SLIT1: variants seen among roughly 807,000 people sequenced by gnomAD.
SLIT1 encodes the protein slit guidance ligand 1.
In SLIT1, 66 loss-of-function variants were observed where a neutral mutation model predicts 186.1. The ratio of observed to expected loss-of-function variants is 0.35; its 90% CI spans 0.29 to 0.44. The LOEUF (loss-of-function observed/expected upper bound fraction) is 0.44, where lower values mean the gene tolerates loss of function less well. Ranked by LOEUF, SLIT1 falls within the 20% of genes least tolerant of loss-of-function variation. SLIT1 has a pLI of 1.00. For synonymous variants in SLIT1, 761 were observed against 833.8 expected (o/e 0.91, Z 1.50); for missense variants, 1,638 against 2,037.4 (o/e 0.80, Z 3.77).
chr10:97,050,709 C>G (rs1178004860), intron 13 of SLIT1, among the ~76,000 whole-genome samples: 1 of 152,212 alleles, frequency 6.6e-6, no homozygotes, highest in Non-Finnish European at 1.5e-5. Context: ...TGCCTCAGCC[C>G]CTGCCTGAAC....
At chr10:97,024,201 G>A (rs1441408646) in intron 25 of SLIT1, among the ~76,000 whole-genome samples, 2 of 152,166 alleles carry the variant, frequency 1.3e-5, no homozygotes, top group Non-Finnish European at 2.9e-5. Context: ...TTACCCTTGA[G>A]ACCTGTACAA....
At chr10:97,063,350 G>A in intron 8 of SLIT1, 105 bp downstream of exon 8, 2 of 1,270,168 alleles carry the variant, frequency 1.6e-6, no homozygotes, top group Non-Finnish European at 1.1e-6. Context: ...GCGGGGTCAG[G>A]AGGTGATGGG....
chr10:97,133,174 TA>T (rs372101972), intron 4 of SLIT1, among the ~76,000 whole-genome samples: 1,590 of 150,952 alleles, frequency 0.011, 9 homozygotes, highest in Middle Eastern at 0.044. Flanking sequence ...TTATTCAGCT[TA>T]AAAAAAAAGG....
chr10:97,063,397 C>A (rs1030963447), intron 8 of SLIT1, 58 bp downstream of exon 8: 39 of 1,590,100 alleles, frequency 2.5e-5, no homozygotes, highest in Non-Finnish European at 2.3e-5. Context: ...GGGGCGGGAA[C>A]AAGAGGCAGG....
At chr10:97,141,715 C>T (rs78146078) in intron 4 of SLIT1, among the ~76,000 whole-genome samples, 13 of 110,278 alleles carry the variant, frequency 1.2e-4, no homozygotes, top group South Asian at 6.8e-4. Flanking sequence ...TTGTATTGTA[C>T]TGTATTGTAT....
At chr10:97,081,224 T>C (rs933534254) in intron 4 of SLIT1, among the ~76,000 whole-genome samples, 2 of 152,082 alleles carry the variant, frequency 1.3e-5, no homozygotes, top group African/African-American at 4.8e-5. Flanking sequence ...TGGGCAAGTA[T>C]AACCCAGGCT....
At chr10:97,185,274 G>T (rs892962928) in intron 1 of SLIT1, among the ~76,000 whole-genome samples, 1 of 152,262 alleles carries the variant, frequency 6.6e-6, no homozygotes, top group Non-Finnish European at 1.5e-5. Context: ...ACCCCGCCGA[G>T]GGCCCTTTGA....
chr10:97,096,779 T>C (rs956513763), intron 4 of SLIT1, among the ~76,000 whole-genome samples: 1 of 152,104 alleles, frequency 6.6e-6, no homozygotes, highest in African/African-American at 2.4e-5. Context: ...ACATTTTCTC[T>C]CTCAAGAATC....
At chr10:97,060,243 T>TAATC in intron 9 of SLIT1, 85 bp from the exon 10 acceptor site, 1 of 1,136,952 alleles carries the variant, frequency 8.8e-7, no homozygotes, top group South Asian at 1.2e-5. Flanking sequence ...CTGCCCTGAA[T>TAATC]AATCCTTTGG....
chr10:97,047,707 G>C lies in SLIT1; in HGVS notation c.1617C>G (p.Pro539=). 1 of 1,613,850 alleles carries C rather than the reference G, an allele frequency of 6.2e-7. No homozygotes were observed. Among genetic ancestry groups the C allele is most frequent in the Non-Finnish European group, 8.5e-7 (1 of 1,180,014 alleles). Residue 539 remains proline (P), a synonymous_variant, in exon 16 of 37, where the codon CCC becomes CCG. Coordinates refer to ENST00000266058, the MANE Select transcript of SLIT1 (RefSeq NM_003061.3). ...LKLTKIPERI[P]QSTAELRLNN... is the part of the protein sequence containing the mutation. ...ACCCTCACAGTTCTGCCGTGGACTGGGGGATGCGCTCAGGGATCTTGGTGA... is the reference window on the plus strand; with the variant it reads ...ACCCTCACAGTTCTGCCGTGGACTGCGGGATGCGCTCAGGGATCTTGGTGA...
chr10:97,024,893 C>A (rs139153160), intron 25 of SLIT1, among the ~76,000 whole-genome samples: 1 of 152,136 alleles, frequency 6.6e-6, no homozygotes, highest in South Asian at 2.1e-4. Context: ...GGGCCCACGG[C>A]GTGGCTTACG....
intron 4 of SLIT1, among the ~76,000 whole-genome samples, chr10:97,138,572 G>A (rs1849726478): frequency 6.6e-6 from 1 of 152,156 alleles, no homozygotes; most frequent in African/African-American, 2.4e-5. Flanking sequence ...GCTTACACAA[G>A]TTTCCCGTAA....
At chr10:97,155,490 A>G (rs1849937811) in intron 4 of SLIT1, 1 of 152,282 alleles carries the variant, frequency 6.6e-6, no homozygotes, top group African/African-American at 2.4e-5. Flanking sequence ...TGACAAAAGA[A>G]GTCAGCTCCC....
At chr10:97,110,870 C>T (rs1564678557) in intron 4 of SLIT1, among the ~76,000 whole-genome samples, 1 of 152,164 alleles carries the variant, frequency 6.6e-6, no homozygotes, top group African/African-American at 2.4e-5. Context: ...TCTAAATTTT[C>T]TTTTGTTATC....
intron 4 of SLIT1, among the ~76,000 whole-genome samples, chr10:97,135,517 C>A (rs1214643400): frequency 6.6e-6 from 1 of 152,170 alleles, no homozygotes; most frequent in African/African-American, 2.4e-5. Context: ...GGAAGTGGGG[C>A]AAGCTCAGCG....
At chr10:97,152,646 G>C (rs980162354) in intron 4 of SLIT1, among the ~76,000 whole-genome samples, 15 of 152,156 alleles carry the variant, frequency 9.9e-5, no homozygotes, top group Non-Finnish European at 5.9e-5. Context: ...AGACTACAGA[G>C]GCTTTTCACT....
At chr10:97,039,918 C>T in intron 21 of SLIT1, 70 bp downstream of exon 21, 3 of 1,569,976 alleles carry the variant, frequency 1.9e-6, no homozygotes, top group Non-Finnish European at 2.6e-6. Flanking sequence ...GCCCCAGCCC[C>T]TCAGGAAATG....
chr10:97,037,708 G>A lies in SLIT1; in HGVS notation c.2356C>T (p.Leu786=), dbSNP rs1848653312. 2.5e-6 allele frequency: 4 copies of A among 1,609,126 alleles called. No individual in the cohort carries two copies. Among genetic ancestry groups the A allele is most frequent in the Non-Finnish European group, 3.4e-6 (4 of 1,176,060 alleles). The change falls in exon 22 of 37, where the codon CTG becomes TTG. Residue 786 remains leucine (L), a synonymous_variant. Transcript: ENST00000266058. ...VPGQLSTFKY[L]QLVDLSNNKI... is the part of the protein sequence containing the mutation. ...GGCCTGGATACTTACACGAGCTGCA[G>A]GTACTTGAAGGTAGACAGCTGTCCC... is the stretch of plus-strand genomic sequence containing the variant.
rs1294949798 is a variant in SLIT1 at position 97,063,493 on chromosome 10, T to C, written c.755A>G (p.Asn252Ser). Residue 252 changes from asparagine (N) to serine (S), a missense_variant, in exon 8 of 37, where the codon AAT becomes AGT. By Grantham distance (46) the Asn-to-Ser change is conservative. This residue lies in a region of SLIT1 where 1,245 missense variants were observed against 1,535.3 expected (regional missense o/e 0.81). Transcript: ENST00000266058. ...CSGPASLRGL[N>S]VAEVQKSEFS... ...CTCACTCTTCTGGACCTCTGCCACA[T>C]TGAGGCCACGCAGGCTGGCTGGGCC... 4.3e-6 allele frequency: 7 copies of C among 1,612,932 alleles called. No homozygotes were observed. In the Admixed American group the frequency reaches 5.0e-5, roughly 12 times the overall value.
Sources: gnomAD v4.1 joint callset for allele counts (sites outside exome capture counted in the v4.1 genomes callset) on GRCh38, gnomAD v4.1.1 for gene constraint, gnomAD v4.1.1 regional missense constraint, MANE v1.5 for transcripts, NCBI Gene and HGNC (gene_info 2026-07-23, HGNC 2026-07-21) for gene names.